Variants in SORCS3 observed in about 807,000 individuals in gnomAD.
SORCS3 encodes sortilin related VPS10 domain containing receptor 3.
A neutral mutation model predicts 146.3 loss-of-function variants in SORCS3; 57 were observed. The ratio of observed to expected loss-of-function variants is 0.39; its 90% confidence interval spans 0.31 to 0.49. The LOEUF is 0.49. SORCS3 is among the 20% of genes least tolerant of loss of function. The pLI is 0.92. For synonymous variants in SORCS3, 653 were observed against 618.5 expected (o/e 1.06, Z -0.83); for missense variants, 1,341 against 1,575.5 (o/e 0.85, Z 2.52).
At chr10:104,886,555 C>CATCTATCTATCCATCT (rs1554857174) in intron 2 of SORCS3, among the ~76,000 whole-genome samples, 2,063 of 127,022 alleles carry the variant, frequency 0.016, 21 homozygotes, top group African/African-American at 0.024. Flanking sequence ...ATAACTCTAT[C>CATCTATCTATCCATCT]ATCTATCTAT....
At chr10:104,649,198 G>A (rs1417239938) in intron 1 of SORCS3, among the ~76,000 whole-genome samples, 3 of 148,062 alleles carry the variant, frequency 2.0e-5, no homozygotes, top group African/African-American at 7.5e-5. Flanking sequence ...CCTGAAACAG[G>A]CCACATACTA....
intron 5 of SORCS3, among the ~76,000 whole-genome samples, chr10:105,059,819 T>G (rs2055471510): frequency 6.6e-6 from 1 of 152,210 alleles, no homozygotes; most frequent in South Asian, 2.1e-4. Context: ...CAGAGCAACC[T>G]GAGCCTTCCC....
intron 1 of SORCS3, among the ~76,000 whole-genome samples, chr10:104,746,359 A>G (rs1050416613): frequency 2.0e-5 from 3 of 152,104 alleles, no homozygotes; most frequent in Non-Finnish European, 4.4e-5. Context: ...GATGGTCTCG[A>G]TCTCCTGACC....
intron 5 of SORCS3, among the ~76,000 whole-genome samples, chr10:105,044,471 TC>T (rs1489628663): frequency 6.6e-6 from 1 of 152,064 alleles, no homozygotes; most frequent in Non-Finnish European, 1.5e-5. Flanking sequence ...TTATGAACAC[TC>T]CCTTAAAAAC....
At chr10:104,983,436 G>T (rs143710300) in intron 4 of SORCS3, among the ~76,000 whole-genome samples, 294 of 152,272 alleles carry the variant, frequency 1.9e-3, no homozygotes, top group African/African-American at 6.8e-3. Context: ...GATACGGCAT[G>T]TATATGCTTT....
At chr10:104,980,982 G>A (rs564493997) in intron 4 of SORCS3, among the ~76,000 whole-genome samples, 4 of 152,312 alleles carry the variant, frequency 2.6e-5, no homozygotes, top group Non-Finnish European at 4.4e-5. Flanking sequence ...ACCTGATACC[G>A]GCCAAGGCCT....
chr10:104,910,452 G>A (rs972034184), intron 2 of SORCS3, among the ~76,000 whole-genome samples: 3 of 152,110 alleles, frequency 2.0e-5, no homozygotes, highest in Non-Finnish European at 4.4e-5. Flanking sequence ...TGGTTTGAAA[G>A]GATAAGCAGT....
At chr10:104,772,353 G>T (rs1402272433) in intron 1 of SORCS3, among the ~76,000 whole-genome samples, 3 of 152,182 alleles carry the variant, frequency 2.0e-5, no homozygotes, top group African/African-American at 7.2e-5. Flanking sequence ...CAGGGACCCT[G>T]TGTCTCACAG....
At chr10:104,841,360 T>C (rs2018137551) in intron 1 of SORCS3, among the ~76,000 whole-genome samples, 2 of 152,180 alleles carry the variant, frequency 1.3e-5, no homozygotes, top group South Asian at 4.1e-4. Flanking sequence ...ACATACTCTT[T>C]GATTTGTGCT....
At chr10:104,667,838 C>CT (rs1456147616) in intron 1 of SORCS3, among the ~76,000 whole-genome samples, 1 of 152,198 alleles carries the variant, frequency 6.6e-6, no homozygotes, top group East Asian at 1.9e-4. Context: ...CAGCTTAGTG[C>CT]TTCACAGGGT....
chr10:105,108,011 A>G (rs557019717), intron 7 of SORCS3, among the ~76,000 whole-genome samples: 2 of 150,314 alleles, frequency 1.3e-5, no homozygotes, highest in African/African-American at 2.4e-5. Flanking sequence ...ACGATGCCCT[A>G]GAAACAGTGT....
At chr10:104,882,288 C>T (rs1332302027) in intron 2 of SORCS3, among the ~76,000 whole-genome samples, 1 of 152,128 alleles carries the variant, frequency 6.6e-6, no homozygotes, top group African/African-American at 2.4e-5. Context: ...GTTCCCAAGT[C>T]ACTTATTATT....
intron 2 of SORCS3, 80 bp from the exon 3 acceptor site, chr10:104,915,753 G>A: frequency 2.5e-6 from 3 of 1,189,196 alleles, no homozygotes; most frequent in Non-Finnish European, 3.8e-6. Context: ...GTCGGTCGAG[G>A]GAGAACCTGG....
chr10:105,214,381 CAT>C lies in SORCS3; in HGVS notation c.2376-59_2376-58del, dbSNP rs1491523326. On this transcript the variant is annotated intron_variant, in intron 17 of 26. Coordinates refer to ENST00000369701, the MANE Select transcript of SORCS3 (RefSeq NM_014978.3). ...TCCCTTTATAACACACACACACACA[CAT>C]ACAACAGCAACAACAACACAATCAA... 7.7e-6 allele frequency: 12 copies of C among 1,568,100 alleles called. No individual in the cohort carries two copies. The Admixed American group carries it at 1.0e-4, about 13-fold the overall frequency.
At chr10:104,758,303 T>C (rs2133474546) in intron 1 of SORCS3, among the ~76,000 whole-genome samples, 1 of 152,330 alleles carries the variant, frequency 6.6e-6, no homozygotes, top group South Asian at 2.1e-4. Context: ...TTAACTCAGA[T>C]TCATTCCTGG....
At chr10:104,992,642 C>T (rs1237167991) in intron 4 of SORCS3, among the ~76,000 whole-genome samples, 2 of 152,178 alleles carry the variant, frequency 1.3e-5, no homozygotes, top group Admixed American at 6.5e-5. Context: ...TTTAAGCACT[C>T]CATTCACTCA....
chr10:105,186,096 A>T (rs1046357664), intron 14 of SORCS3, among the ~76,000 whole-genome samples: 3 of 152,222 alleles, frequency 2.0e-5, no homozygotes, highest in Non-Finnish European at 4.4e-5. Flanking sequence ...ATCTTTATGT[A>T]TGCCTCCAGG....
At chr10:104,842,746 C>A in intron 1 of SORCS3, 46 bp from the exon 2 acceptor site, 1 of 1,469,148 alleles carries the variant, frequency 6.8e-7, no homozygotes, top group Non-Finnish European at 9.5e-7. Context: ...TCCTTTTTTC[C>A]CTCCCTTTGT....
chr10:104,667,368 G>T (rs1239027015), intron 1 of SORCS3, among the ~76,000 whole-genome samples: 1 of 152,028 alleles, frequency 6.6e-6, no homozygotes, highest in African/African-American at 2.4e-5. Flanking sequence ...CTTCCTGCCT[G>T]CCCTCCTCTC....
Sources: gnomAD v4.1 joint callset for allele counts (sites outside exome capture counted in the v4.1 genomes callset) on GRCh38, gnomAD v4.1.1 for gene constraint, MANE v1.5 for transcripts, NCBI Gene and HGNC (gene_info 2026-07-23, HGNC 2026-07-21) for gene names.